Variants in GLIS3 observed in about 807,000 individuals in gnomAD.
The protein encoded by GLIS3 is zinc finger protein GLIS3.
A neutral mutation model predicts 78.6 loss-of-function variants in GLIS3; 53 were observed. The observed-to-expected ratio is 0.67, with a 90% CI of 0.54 to 0.85. The LOEUF (loss-of-function observed/expected upper bound fraction) is 0.85. Among genes scored for constraint, GLIS3 ranks in the 40% least tolerant of loss-of-function variants. The pLI is 0.00. For missense variants in GLIS3, 1,703 were observed against 1,231.1 expected (o/e 1.38, Z -5.74); for synonymous variants, 684 against 509.9 (o/e 1.34, Z -4.60).
At chr9:4,353,934 T>C in the GLIS3 span, among the ~76,000 whole-genome samples, 1 of 151,686 alleles carries the variant, frequency 6.6e-6, no homozygotes, top group Non-Finnish European at 1.5e-5. Flanking sequence ...TTCACGCCAT[T>C]CTCCTGCCTC....
At chr9:4,408,968 CCACT>C in the GLIS3 span, among the ~76,000 whole-genome samples, 132 of 151,672 alleles carry the variant, frequency 8.7e-4, no homozygotes, top group Middle Eastern at 3.4e-3. Context: ...ATACATACAC[CCACT>C]ATGTACCCAC....
the GLIS3 span, among the ~76,000 whole-genome samples, chr9:4,419,354 C>G: frequency 5.3e-5 from 8 of 152,162 alleles, no homozygotes; most frequent in Non-Finnish European, 4.4e-5. Context: ...GTTTAATTGG[C>G]TCACCGTTCT....
At chr9:4,288,505 C>A (rs964335686) in intron 1 of GLIS3, among the ~76,000 whole-genome samples, 1 of 151,350 alleles carries the variant, frequency 6.6e-6, no homozygotes, top group African/African-American at 2.4e-5. Flanking sequence ...TTTTTTTTGG[C>A]AGCAAGATCA....
upstream of GLIS3, among the ~76,000 whole-genome samples, chr9:4,350,825 GTTTT>G (rs1817961555): frequency 6.7e-6 from 1 of 149,886 alleles, no homozygotes; most frequent in African/African-American, 2.5e-5. Context: ...GTTTTTGTTT[GTTTT>G]TGTTTTCTTC....
At chr9:4,305,712 T>C (rs1817210454) in intron 4 of GLIS3, 1 of 151,714 alleles carries the variant, frequency 6.6e-6, no homozygotes, top group Non-Finnish European at 1.5e-5. Flanking sequence ...CTTCTCTTCT[T>C]TCTAGAGAGC....
chr9:4,296,444 G>T (rs1280599753), intron 1 of GLIS3, among the ~76,000 whole-genome samples: 2 of 152,130 alleles, frequency 1.3e-5, no homozygotes, highest in Non-Finnish European at 2.9e-5. Flanking sequence ...TAGCTCAGTA[G>T]GAAATTCACC....
chr9:4,277,983 T>C (rs964410240), intron 2 of GLIS3, among the ~76,000 whole-genome samples: 3 of 152,180 alleles, frequency 2.0e-5, no homozygotes. Context: ...CTCAGATACA[T>C]AGGAACACAT....
At chr9:4,148,582 T>C (rs774283659) in intron 2 of GLIS3, among the ~76,000 whole-genome samples, 2 of 151,952 alleles carry the variant, frequency 1.3e-5, no homozygotes, top group Non-Finnish European at 2.9e-5. Context: ...GGCAGGCCCA[T>C]GAGGACAGGG....
At chr9:3,866,572 G>A (rs985373920) in intron 8 of GLIS3, among the ~76,000 whole-genome samples, 10 of 152,214 alleles carry the variant, frequency 6.6e-5, no homozygotes, top group Non-Finnish European at 1.5e-4. Flanking sequence ...GGTCATGTGA[G>A]GTTCTGATGA....
chr9:4,208,655 G>C (rs1235724115), intron 2 of GLIS3, among the ~76,000 whole-genome samples: 1 of 152,210 alleles, frequency 6.6e-6, no homozygotes, highest in East Asian at 1.9e-4. Context: ...GGAATAGTAT[G>C]TTCCGCACTT....
intron 4 of GLIS3, among the ~76,000 whole-genome samples, chr9:3,958,048 C>T (rs1588313787): frequency 1.3e-5 from 2 of 152,172 alleles, no homozygotes; most frequent in Non-Finnish European, 2.9e-5. Flanking sequence ...AGCTGTGGCT[C>T]CTTCGGTAAT....
the GLIS3 span, among the ~76,000 whole-genome samples, chr9:4,407,072 C>A: frequency 6.6e-6 from 1 of 152,176 alleles, no homozygotes; most frequent in African/African-American, 2.4e-5. Flanking sequence ...ACTAAAACAG[C>A]ATGGTAATGG....
the GLIS3 span, among the ~76,000 whole-genome samples, chr9:4,356,455 C>T: frequency 1.3e-5 from 2 of 152,208 alleles, no homozygotes; most frequent in Non-Finnish European, 2.9e-5. Context: ...CCAGAGATAA[C>T]AACTTTCACA....
intron 2 of GLIS3, among the ~76,000 whole-genome samples, chr9:4,342,892 A>G (rs910789224): frequency 1.3e-5 from 2 of 152,154 alleles, no homozygotes; most frequent in Non-Finnish European, 2.9e-5. Context: ...TTTGGCTCTC[A>G]GCTTGGGCAT....
chr9:4,448,100 G>A, the GLIS3 span, among the ~76,000 whole-genome samples: 40 of 152,098 alleles, frequency 2.6e-4, no homozygotes, highest in East Asian at 2.9e-3. Context: ...GACTGGTACC[G>A]GTTACTAAAG....
At chr9:4,159,790 G>T (rs1005075799) in intron 2 of GLIS3, among the ~76,000 whole-genome samples, 1 of 152,094 alleles carries the variant, frequency 6.6e-6, no homozygotes, top group Non-Finnish European at 1.5e-5. Flanking sequence ...GGCCCACATA[G>T]TTCCACAGAT....
intron 1 of GLIS3, among the ~76,000 whole-genome samples, chr9:4,290,143 T>A (rs1056711736): frequency 1.3e-5 from 2 of 152,172 alleles, no homozygotes; most frequent in Non-Finnish European, 2.9e-5. Flanking sequence ...TAAATATCAT[T>A]AACAGACCCA....
chr9:4,417,037 A>G, the GLIS3 span, among the ~76,000 whole-genome samples: 2 of 151,894 alleles, frequency 1.3e-5, no homozygotes, highest in Non-Finnish European at 2.9e-5. Flanking sequence ...CCTTCTCTCA[A>G]TTATGCATTT....
chr9:4,008,639 T>G (rs1164632242), intron 4 of GLIS3, among the ~76,000 whole-genome samples: 2 of 152,286 alleles, frequency 1.3e-5, no homozygotes, highest in South Asian at 4.2e-4. Context: ...TCTCCCCACC[T>G]AGACTGTGAG....
Sources: gnomAD v4.1 joint callset for allele counts (sites outside exome capture counted in the v4.1 genomes callset) on GRCh38, gnomAD v4.1.1 for gene constraint, MANE v1.5 for transcripts, NCBI Gene and HGNC (gene_info 2026-07-23, HGNC 2026-07-21) for gene names.